ENGASE: variants seen among roughly 807,000 people sequenced by gnomAD.
The protein encoded by ENGASE is cytosolic endo-beta-N-acetylglucosaminidase.
A neutral mutation model predicts 78.5 loss-of-function variants in ENGASE; 69 were observed. The ratio of observed to expected loss-of-function variants is 0.88; its 90% CI spans 0.72 to 1.07. The LOEUF is 1.07. ENGASE is among the 50% of genes least tolerant of loss of function. The pLI is 0.00. For synonymous variants in ENGASE, 408 were observed against 408.9 expected (o/e 1.00, Z 0.03); for missense variants, 943 against 988.4 (o/e 0.95, Z 0.62).
rs746224968 is a variant in ENGASE at position 79,077,825 on chromosome 17, T to C, written c.377T>C (p.Leu126Ser). The C allele has an allele frequency of 6.8e-6, 11 of 1,613,836 alleles. No homozygotes were observed. The highest frequency in any genetic ancestry group is 9.3e-6 in the Non-Finnish European group (11 of 1,179,980). The change falls in exon 3 of 14, where the codon TTG (leucine) becomes TCG (serine). Residue 126 changes from leucine (L) to serine (S), a missense_variant. By Grantham distance (145) the Leu-to-Ser change is moderately radical (BLOSUM62 -2). Transcript: ENST00000579016. Reference protein sequence around the residue: ...PPLSSQRPRTLLCHDMMGGYL... With the variant: ...PPLSSQRPRTSLCHDMMGGYL... ...CTGAGCAGCCAGAGGCCCCGGACTT[T>C]GTTGTGTCATGACATGATGGGCGGG...
intron 1 of ENGASE, among the ~76,000 whole-genome samples, 185 bp downstream of exon 1, chr17:79,075,275 G>A (rs1037434912): frequency 6.6e-6 from 1 of 152,204 alleles, no homozygotes; most frequent in East Asian, 1.9e-4. Context: ...CCGTCCTCGC[G>A]CCACTGCCGG....
At chr17:79,075,478 G>C (rs2072946734) in intron 1 of ENGASE, among the ~76,000 whole-genome samples, 1 of 152,268 alleles carries the variant, frequency 6.6e-6, no homozygotes, top group South Asian at 2.1e-4. Flanking sequence ...GGTGGAAGGG[G>C]TGGCCTTCTG....
intron 10 of ENGASE, 131 bp from the exon 11 acceptor site, chr17:79,084,407 C>A: frequency 4.4e-6 from 4 of 903,390 alleles, no homozygotes; most frequent in South Asian, 1.9e-5. Context: ...ACGGACAGGA[C>A]CACGATGTGG....
chr17:79,087,118 GC>G lies in ENGASE; in HGVS notation c.*772del. 2.2e-6 allele frequency: 1 copy of G among 450,472 alleles called. No individual in the cohort carries two copies. The highest frequency in any genetic ancestry group is 2.0e-5 in the African/African-American group (1 of 50,046). The allele number at this position is 450,472 out of a possible 1,614,324, so 27.9% of individuals were successfully genotyped here. A position where few individuals can be genotyped will look rare whatever the true frequency, so the allele number is the denominator to read the frequency against. On this transcript the variant is annotated 3_prime_UTR_variant, in exon 14 of 14. Coordinates refer to ENST00000579016, the MANE Select transcript of ENGASE (RefSeq NM_001042573.3). ...TGGCTCTGAGGCAGTCTGCGCTGTG[GC>G]CCTGCCTCTGCCCAGCGAGAGGCCG...
chr17:79,082,790 CT>C (rs1269198823), intron 7 of ENGASE: 17 of 1,483,936 alleles, frequency 1.1e-5, no homozygotes, highest in African/African-American at 1.4e-5. Context: ...CCCTGCCCCC[CT>C]GCCCTTGCAG....
chr17:79,082,628 C>T lies in ENGASE; in HGVS notation c.1039-392C>T, dbSNP rs998524611. 5.4e-6 allele frequency: 7 copies of T among 1,292,364 alleles called. No individual in the cohort carries two copies. The African/African-American group carries it at 9.1e-5, about 17-fold the overall frequency. 80.1% of individuals were successfully genotyped at this position (1,292,364 alleles called of 1,614,324 possible). A position where few individuals can be genotyped will look rare whatever the true frequency, so the allele number is the denominator to read the frequency against. ...ATCAGTCCTGCCCGTTCCCAGAGCC[C>T]CAGGGATGTTCTCAGCCCTTAATTT... is the stretch of plus-strand genomic sequence containing the variant. On this transcript the variant is annotated intron_variant, in intron 7 of 13. Coordinates refer to ENST00000579016, the MANE Select transcript of ENGASE (RefSeq NM_001042573.3).
chr17:79,083,148 T>C lies in ENGASE; in HGVS notation c.1142+25T>C. ...AGTGAGTCCTGCTGTCCTGGGTGCT[T>C]AGTGCAGGCTGATGGGAGGGAGGGG... On this transcript the variant is annotated intron_variant, in intron 8 of 13. Coordinates refer to ENST00000579016, the MANE Select transcript of ENGASE (RefSeq NM_001042573.3). The surrounding 1 kb of genome is among the most constrained non-coding windows in gnomAD (Gnocchi z 4.9). 2 of 1,531,866 alleles carry C rather than the reference T, an allele frequency of 1.3e-6. No individual in the cohort carries two copies. The highest frequency in any genetic ancestry group is 2.2e-5 in the South Asian group (2 of 88,920). The allele number at this position is 1,531,866 out of a possible 1,614,324, so 94.9% of individuals were successfully genotyped here.
Position 79,083,050 on chromosome 17 carries a change from T to C in ENGASE, c.1069T>C (p.Ser357Pro). 1 of 1,614,094 alleles carries C rather than the reference T, an allele frequency of 6.2e-7. No homozygotes were observed. The highest frequency in any genetic ancestry group is 1.1e-5 in the South Asian group (1 of 91,070). ...GGAGCTGATCCGAAAGCATGGCTTC[T>C]CCGTGGCTTTGTTTGCCCCCGGCTG... ...SLELIRKHGF[S>P]VALFAPGWVY... is the part of the protein sequence containing the mutation. Residue 357 changes from serine (S) to proline (P), a missense_variant, in exon 8 of 14, where the codon TCC becomes CCC. Transcript: ENST00000579016. The surrounding 1 kb of genome is among the most constrained non-coding windows in gnomAD (Gnocchi z 4.9).
chr17:79,076,437 G>A (rs1334418192), intron 1 of ENGASE, among the ~76,000 whole-genome samples: 3 of 152,174 alleles, frequency 2.0e-5, no homozygotes, highest in Non-Finnish European at 4.4e-5. Flanking sequence ...GGTGGCAGAT[G>A]CCTGTAATCC....
intron 1 of ENGASE, 104 bp downstream of exon 1, chr17:79,075,194 G>A (rs2072938959): frequency 7.8e-6 from 9 of 1,157,574 alleles, no homozygotes; most frequent in Non-Finnish European, 9.7e-6. Context: ...GCGGGGGGCC[G>A]GCGCCTGTGT....
At chr17:79,082,469 G>C (rs1031424915) in intron 7 of ENGASE, 61 of 1,206,788 alleles carry the variant, frequency 5.1e-5, no homozygotes, top group Non-Finnish European at 6.0e-5. Flanking sequence ...AGGTGCCCAG[G>C]GTTTGGGGAT....
chr17:79,075,222 A>C, intron 1 of ENGASE, 132 bp downstream of exon 1: 1 of 1,044,600 alleles, frequency 9.6e-7, no homozygotes, highest in South Asian at 4.8e-5. Flanking sequence ...GTGCACAGTA[A>C]GGGACAGAGG....
intron 1 of ENGASE, chr17:79,075,983 G>A: frequency 1.2e-6 from 1 of 814,984 alleles, no homozygotes; most frequent in Non-Finnish European, 1.5e-6. Flanking sequence ...TTTGGAAAAG[G>A]AAGGTGGAGA....
intron 4 of ENGASE, 43 bp downstream of exon 4, chr17:79,079,680 G>T: frequency 1.9e-6 from 3 of 1,592,900 alleles, no homozygotes; most frequent in Non-Finnish European, 1.7e-6. Flanking sequence ...AGACTCCTCA[G>T]CTCACCAGCC....
At position 79,087,517 on chromosome 17, in the gene ENGASE, C is replaced by T; in HGVS notation, c.*1168C>T. On this transcript the variant is annotated 3_prime_UTR_variant, in exon 14 of 14. Transcript: ENST00000579016. Reference sequence around the variant, plus strand: ...GCTTCCTGGTGTGGTGTCTGGACCCCACGGCCTTGGGTCATCCTGTGGCTG... The same window carrying T: ...GCTTCCTGGTGTGGTGTCTGGACCCTACGGCCTTGGGTCATCCTGTGGCTG... 6.1e-6 allele frequency: 1 copy of T among 165,260 alleles called. No individual in the cohort carries two copies. Among genetic ancestry groups the T allele is most frequent in the Non-Finnish European group, 1.3e-5 (1 of 75,150 alleles). 10.2% of individuals were successfully genotyped at this position (165,260 alleles called of 1,614,324 possible).
rs533693401 is a variant in ENGASE at position 79,087,400 on chromosome 17, C to T, written c.*1051C>T. On this transcript the variant is annotated 3_prime_UTR_variant, in exon 14 of 14. Transcript: ENST00000579016. The stretch of plus-strand genomic sequence containing the variant: ...GGCGTGAGGGAGGCAGGGTCTTCAC[C>T]ACAGGCGCCTTCCTCTGTCCTTCCT... 58 of 232,114 alleles carry T rather than the reference C, an allele frequency of 2.5e-4. No homozygotes were observed. The highest frequency in any genetic ancestry group is 1.2e-3 in the African/African-American group (54 of 44,686). 14.4% of individuals were successfully genotyped at this position (232,114 alleles called of 1,614,324 possible).
rs1244080882 is a variant in ENGASE at position 79,075,082 on chromosome 17, G to C, written c.138G>C (p.Pro46=). The C allele has an allele frequency of 1.7e-5, 21 of 1,207,946 alleles. No homozygotes were observed. Among genetic ancestry groups the C allele is most frequent in the Non-Finnish European group, 2.2e-5 (21 of 971,688 alleles). The allele number at this position is 1,207,946 out of a possible 1,614,324, so 74.8% of individuals were successfully genotyped here. Residue 46 remains proline, a synonymous_variant, in exon 1 of 14, where the codon CCG becomes CCC. Coordinates refer to ENST00000579016, the MANE Select transcript of ENGASE (RefSeq NM_001042573.3). ...DQEPRPRRRR[P]GRSIKDEEEE... is the part of the protein sequence containing the mutation. ...AGCCGCGGCCGCGGCGGCGGCGGCC[G>C]GGAAGGAGGTGGGGCTGCGGGGCCC... is the stretch of plus-strand genomic sequence containing the variant.
chr17:79,087,261 C>T lies in ENGASE; in HGVS notation c.*912C>T, dbSNP rs118036137. 0.013 allele frequency: 4,600 copies of T among 346,758 alleles called. 65 individuals carry two copies. The highest frequency in any genetic ancestry group is 0.028 in the South Asian group (1,313 of 46,674). 21.5% of individuals were successfully genotyped at this position (346,758 alleles called of 1,614,324 possible). A position where few individuals can be genotyped will look rare whatever the true frequency, so the allele number is the denominator to read the frequency against. On this transcript the variant is annotated 3_prime_UTR_variant, in exon 14 of 14. Transcript: ENST00000579016. ...CTGAGTGCAGGAGCTGCAGGACCCGCGGGGGCTTTTCCAGCTACTCTGTTC... is the reference window on the plus strand; with the variant it reads ...CTGAGTGCAGGAGCTGCAGGACCCGTGGGGGCTTTTCCAGCTACTCTGTTC...
chr17:79,079,534 CT>C lies in ENGASE; in HGVS notation c.463del (p.Trp155GlyfsTer79). 1 of 1,614,130 alleles carries C rather than the reference CT, an allele frequency of 6.2e-7. No individual in the cohort carries two copies. Among genetic ancestry groups the C allele is most frequent in the Non-Finnish European group, 8.5e-7 (1 of 1,180,014 alleles). On this transcript the variant is annotated frameshift_variant, in exon 4 of 14. Transcript: ENST00000579016. LOFTEE classifies it high-confidence loss of function. ...TGCAGACTCCCTATGCTTTCTACCA[CT>C]GGCAGTGCATCGACGTCTTTGTGTA... Reference protein sequence around the residue: ...VVQTPYAFYHWQCIDVFVYFS... With the variant: ...VVQTPYAFYHXQCIDVFVYFS...
Sources: gnomAD v4.1 joint callset for allele counts (sites outside exome capture counted in the v4.1 genomes callset) on GRCh38, gnomAD v4.1.1 for gene constraint, Gnocchi (gnomAD v3.1) non-coding constraint, MANE v1.5 for transcripts, NCBI Gene and HGNC (gene_info 2026-07-23, HGNC 2026-07-21) for gene names.